The following CACNA1C variants were observed in gnomAD, a reference collection of about 807,000 sequenced individuals.
CACNA1C encodes calcium voltage-gated channel subunit alpha1 C, also known as voltage-dependent L-type calcium channel subunit alpha-1C.
Under a neutral mutation model 229.0 loss-of-function variants are expected in CACNA1C, and 30 were observed. That is an observed-to-expected ratio of 0.13 (90% CI 0.10 to 0.18). CACNA1C has a LOEUF of 0.18. Ranked by LOEUF, CACNA1C falls within the 10% of genes least tolerant of loss-of-function variation. CACNA1C has a pLI of 1.00. For missense variants in CACNA1C, 1,658 were observed against 2,845.0 expected (o/e 0.58, Z 9.49); for synonymous variants, 1,114 against 1,132.5 (o/e 0.98, Z 0.33).
intron 8 of CACNA1C, among the ~76,000 whole-genome samples, chr12:2,509,094 T>A (rs1398613242): frequency 1.3e-5 from 2 of 152,194 alleles, no homozygotes; most frequent in African/African-American, 4.8e-5. Context: ...ATTTCTTACA[T>A]AGGTAGTCAT....
At chr12:2,164,001 G>A (rs914689293) in intron 3 of CACNA1C, among the ~76,000 whole-genome samples, 2 of 152,112 alleles carry the variant, frequency 1.3e-5, no homozygotes, top group Non-Finnish European at 2.9e-5. Flanking sequence ...AAACCAAGCT[G>A]CCCGCCACCT....
intron 1 of CACNA1C, among the ~76,000 whole-genome samples, chr12:2,015,600 C>T (rs2045230305): frequency 6.6e-6 from 1 of 152,166 alleles, no homozygotes. Flanking sequence ...AGTTCTCAAC[C>T]CTGGCCACAC....
chr12:2,081,240 A>G (rs1456177528), intron 1 of CACNA1C, among the ~76,000 whole-genome samples: 2 of 152,244 alleles, frequency 1.3e-5, no homozygotes, highest in Non-Finnish European at 2.9e-5. Context: ...CTAGAATTCT[A>G]TACAAAGCTA....
At chr12:2,005,270 G>GA (rs1194630816) in intron 1 of CACNA1C, among the ~76,000 whole-genome samples, 2 of 152,114 alleles carry the variant, frequency 1.3e-5, no homozygotes, top group Non-Finnish European at 2.9e-5. Context: ...CATTCTGCAT[G>GA]AAAAAATAGG....
rs1037750305 is a variant in CACNA1C at position 2,639,017 on chromosome 12, C to T, written c.3912+4637C>T. Among the ~76,000 whole-genome samples, 4 of 152,156 alleles carry T rather than the reference C, an allele frequency of 2.6e-5. No individual in the cohort carries two copies. Among genetic ancestry groups the T allele is most frequent in the Non-Finnish European group, 5.9e-5 (4 of 68,036 alleles). ...GAGGCCTGGGCCAGGGCCTCTGGCGCGAGGAGATCGGGACCCGCAAACTTC... is the reference window on the plus strand; with the variant it reads ...GAGGCCTGGGCCAGGGCCTCTGGCGTGAGGAGATCGGGACCCGCAAACTTC... On this transcript the variant is annotated intron_variant, in intron 30 of 46. Transcript: ENST00000399655. The surrounding 1 kb of genome is among the most constrained non-coding windows in gnomAD (Gnocchi z 4.2).
chr12:2,329,332 A>C (rs1168156563), intron 3 of CACNA1C, among the ~76,000 whole-genome samples: 1 of 152,206 alleles, frequency 6.6e-6, no homozygotes. Context: ...GAACTCTGTA[A>C]TGCATTAGCC....
intron 3 of CACNA1C, among the ~76,000 whole-genome samples, chr12:2,399,368 G>T (rs1363189831): frequency 6.6e-6 from 1 of 152,222 alleles, no homozygotes; most frequent in East Asian, 1.9e-4. Flanking sequence ...GATCTAGGAA[G>T]AATCAGGTCA....
chr12:2,331,571 G>A (rs937253474), intron 3 of CACNA1C, among the ~76,000 whole-genome samples: 22 of 152,218 alleles, frequency 1.4e-4, no homozygotes, highest in African/African-American at 5.1e-4. Flanking sequence ...GACATTAACA[G>A]CTTAAATAAG....
chr12:2,618,940 C>T (rs1264183552), intron 29 of CACNA1C, among the ~76,000 whole-genome samples: 2 of 152,242 alleles, frequency 1.3e-5, no homozygotes, highest in African/African-American at 2.4e-5. Context: ...CTGCACCGCT[C>T]ACCAGGAATC....
chr12:2,602,002 G>A lies in CACNA1C; in HGVS notation c.2960+42G>A. 1.5e-6 allele frequency: 2 copies of A among 1,324,580 alleles called. No homozygotes were observed. Among genetic ancestry groups the A allele is most frequent in the Non-Finnish European group, 2.2e-6 (2 of 916,144 alleles). The allele number at this position is 1,324,580 out of a possible 1,614,324, so 82.1% of individuals were successfully genotyped here. A position where few individuals can be genotyped will look rare whatever the true frequency, so the allele number is the denominator to read the frequency against. ...CAGCCCACGATGGGCCATGCAGCTA[G>A]CAAGGGGTGCCAGAGAGGACAACCA... On this transcript the variant is annotated intron_variant, in intron 22 of 46. Coordinates refer to ENST00000399655, the MANE Select transcript of CACNA1C (RefSeq NM_000719.7). The surrounding 1 kb of genome is among the most constrained non-coding windows in gnomAD (Gnocchi z 4.4).
intron 9 of CACNA1C, among the ~76,000 whole-genome samples, chr12:2,519,287 C>T (rs2099804763): frequency 6.6e-6 from 1 of 152,232 alleles, no homozygotes; most frequent in Non-Finnish European, 1.5e-5. Context: ...ACATATGAGT[C>T]ACACGAACAC....
At chr12:2,267,988 G>T (rs527425040) in intron 3 of CACNA1C, among the ~76,000 whole-genome samples, 4 of 152,258 alleles carry the variant, frequency 2.6e-5, no homozygotes, top group Admixed American at 1.3e-4. Flanking sequence ...AGGTTTTTTT[G>T]TGTGTTTTTC....
chr12:1,978,051 G>A (rs1349813621), intron 1 of CACNA1C, among the ~76,000 whole-genome samples: 1 of 152,204 alleles, frequency 6.6e-6, no homozygotes, highest in East Asian at 1.9e-4. Context: ...TGACTCTCAA[G>A]AGAGAAGTGG....
Position 2,408,363 on chromosome 12 carries a change from C to T in CACNA1C, c.478-40613C>T, listed in dbSNP as rs996194324. On this transcript the variant is annotated intron_variant, in intron 3 of 46. Coordinates refer to ENST00000399655, the MANE Select transcript of CACNA1C (RefSeq NM_000719.7). ...TAAATGTGCTTAATGCCACTGAATG[C>T]TACACTTAAAAATGGCTAACGCAGT... 3.8e-4 allele frequency among the ~76,000 whole-genome samples: 58 copies of T among 152,172 alleles called. 1 individual carries two copies. The highest frequency in any genetic ancestry group is 1.3e-3 in the Admixed American group (20 of 15,286).
chr12:2,548,967 T>C (rs978916147), intron 9 of CACNA1C, among the ~76,000 whole-genome samples: 3 of 152,106 alleles, frequency 2.0e-5, no homozygotes, highest in Admixed American at 2.0e-4. Flanking sequence ...AGAATAAGGG[T>C]TACAAAACTA....
intron 3 of CACNA1C, among the ~76,000 whole-genome samples, chr12:2,252,020 A>G (rs950557605): frequency 2.6e-5 from 4 of 152,376 alleles, no homozygotes; most frequent in Non-Finnish European, 5.9e-5. Context: ...ATCCTTGAGC[A>G]TGGTGGATGG....
intron 3 of CACNA1C, among the ~76,000 whole-genome samples, chr12:2,185,892 A>G (rs2096984856): frequency 6.6e-6 from 1 of 151,968 alleles, no homozygotes; most frequent in South Asian, 2.1e-4. Flanking sequence ...GCAGCAGTCT[A>G]GACTTCCTGC....
chr12:2,528,049 A>C (rs2099826688), intron 9 of CACNA1C, among the ~76,000 whole-genome samples: 1 of 152,148 alleles, frequency 6.6e-6, no homozygotes, highest in Non-Finnish European at 1.5e-5. Context: ...CTACCCCTTG[A>C]TTAGATGAGT....
chr12:2,389,566 T>C (rs2098450502), intron 3 of CACNA1C, among the ~76,000 whole-genome samples: 1 of 152,212 alleles, frequency 6.6e-6, no homozygotes, highest in Non-Finnish European at 1.5e-5. Context: ...CCAGATGTCA[T>C]CTTACAAGCC....
Sources: allele counts gnomAD v4.1 joint callset (sites outside exome capture counted in the v4.1 genomes callset), GRCh38; gene constraint gnomAD v4.1.1; non-coding constraint Gnocchi (gnomAD v3.1); transcripts MANE v1.5; gene names NCBI Gene and HGNC (gene_info 2026-07-23, HGNC 2026-07-21).